AGBL3: variants seen among roughly 807,000 people sequenced by gnomAD.
AGBL3 encodes the protein cytosolic carboxypeptidase 3.
A neutral mutation model predicts 94.5 loss-of-function variants in AGBL3; 68 were observed. The observed-to-expected ratio is 0.72, with a 90% CI of 0.59 to 0.88. The LOEUF is 0.88. Among genes scored for constraint, AGBL3 ranks in the 40% least tolerant of loss-of-function variants. AGBL3 has a pLI of 0.00. For missense variants in AGBL3, 934 were observed against 1,103.8 expected (o/e 0.85, Z 2.18); for synonymous variants, 354 against 370.7 (o/e 0.95, Z 0.52).
intron 16 of AGBL3, among the ~76,000 whole-genome samples, chr7:135,124,557 A>T (rs1337077756): frequency 6.6e-6 from 1 of 152,274 alleles, no homozygotes; most frequent in Non-Finnish European, 1.5e-5. Flanking sequence ...TCTAATAGAC[A>T]TCTACAGAAA....
chr7:135,115,513 G>A lies in AGBL3; in HGVS notation c.2244G>A (p.Leu748=), dbSNP rs1287910666. Residue 748 remains leucine (L), a synonymous_variant, in exon 16 of 17, where the codon TTG becomes TTA. Transcript: ENST00000436302. ...DKGIVQTQEI[L]QYLLPIVHST... ...GAATAGTTCAAACTCAAGAAATATT[G>A]CAGTATTTGCTCCCCATCGTGCATA... The A allele has an allele frequency of 7.1e-6, 11 of 1,551,386 alleles. No homozygotes were observed. The highest frequency in any genetic ancestry group is 1.2e-5 in the South Asian group (1 of 84,056).
intron 5 of AGBL3, among the ~76,000 whole-genome samples, chr7:135,018,473 T>C (rs902351808): frequency 6.6e-6 from 1 of 152,216 alleles, no homozygotes; most frequent in African/African-American, 2.4e-5. Context: ...AGGATAGATC[T>C]GTAGGTAGAA....
intron 12 of AGBL3, among the ~76,000 whole-genome samples, chr7:135,074,999 TA>T (rs1207366180): frequency 3.3e-5 from 5 of 152,232 alleles, no homozygotes; most frequent in Non-Finnish European, 7.3e-5. Context: ...TTCTAACTTT[TA>T]AAAATTAAAC....
At chr7:135,019,316 A>G (rs1410570015) in intron 5 of AGBL3, among the ~76,000 whole-genome samples, 3 of 152,286 alleles carry the variant, frequency 2.0e-5, no homozygotes, top group South Asian at 4.1e-4. Context: ...TTTCATAACA[A>G]TATCTTTTGA....
intron 4 of AGBL3, among the ~76,000 whole-genome samples, chr7:135,012,736 A>G (rs1370565364): frequency 6.6e-6 from 1 of 152,120 alleles, no homozygotes; most frequent in Non-Finnish European, 1.5e-5. Flanking sequence ...CTTAGCATAC[A>G]TGTAGAAAAA....
At chr7:135,133,043 C>T (rs985484069) in intron 16 of AGBL3, among the ~76,000 whole-genome samples, 2 of 147,904 alleles carry the variant, frequency 1.4e-5, no homozygotes, top group Non-Finnish European at 3.0e-5. Context: ...ATAAATTTAC[C>T]AAAACACACA....
chr7:135,108,782 A>C (rs1317345273), intron 15 of AGBL3, among the ~76,000 whole-genome samples: 1 of 152,170 alleles, frequency 6.6e-6, no homozygotes, highest in Non-Finnish European at 1.5e-5. Context: ...AATATCCTGA[A>C]ATGTTTTGCT....
intron 15 of AGBL3, chr7:135,094,644 G>A (rs1383609345): frequency 2.4e-6 from 1 of 412,508 alleles, no homozygotes; most frequent in Non-Finnish European, 4.8e-6. Flanking sequence ...TCCGTAACAA[G>A]GGCCTACTCT....
intron 5 of AGBL3, among the ~76,000 whole-genome samples, chr7:135,025,355 C>T (rs1311044498): frequency 6.6e-6 from 1 of 151,588 alleles, no homozygotes; most frequent in African/African-American, 2.4e-5. Context: ...TTTCATATCC[C>T]ATCAAACTAA....
Position 134,990,720 on chromosome 7 carries a change from G to C in AGBL3, c.124+1410G>C, listed in dbSNP as rs147098844. ...ATTCCCAGCAATGTGTTATTTCTTC[G>C]CCAATAATTCTTAGGTTTTAATTCA... is the stretch of plus-strand genomic sequence containing the variant. On this transcript the variant is annotated intron_variant, in intron 3 of 16. Transcript: ENST00000436302. Among the ~76,000 whole-genome samples the C allele has an allele frequency of 4.6e-5, 7 of 152,170 alleles. 2 individuals carry two copies. Among genetic ancestry groups the C allele is most frequent in the African/African-American group, 1.7e-4 (7 of 41,520 alleles).
intron 16 of AGBL3, among the ~76,000 whole-genome samples, chr7:135,126,414 C>A (rs1478277788): frequency 2.0e-5 from 3 of 152,188 alleles, no homozygotes; most frequent in Non-Finnish European, 4.4e-5. Flanking sequence ...GAAAAACATT[C>A]CATCCTCGTG....
chr7:135,009,870 C>T (rs1434475925), intron 4 of AGBL3, among the ~76,000 whole-genome samples: 1 of 152,250 alleles, frequency 6.6e-6, no homozygotes. Flanking sequence ...CAGTGGGCAA[C>T]TACTGAGGTC....
intron 16 of AGBL3, among the ~76,000 whole-genome samples, chr7:135,131,379 C>T (rs532736443): frequency 6.6e-6 from 1 of 151,514 alleles, no homozygotes; most frequent in African/African-American, 2.4e-5. Context: ...CACCATAGCA[C>T]ACATATACCT....
chr7:135,108,009 G>T (rs2348273), intron 15 of AGBL3, among the ~76,000 whole-genome samples: 152,280 of 152,280 alleles, frequency 1, 76,140 homozygotes, highest in Non-Finnish European at 1. Flanking sequence ...TTAAAGTCTT[G>T]GTGGTCTGAA....
At chr7:135,132,910 T>G (rs907455397) in intron 16 of AGBL3, among the ~76,000 whole-genome samples, 1 of 152,210 alleles carries the variant, frequency 6.6e-6, no homozygotes, top group South Asian at 2.1e-4. Flanking sequence ...CTATTGAACA[T>G]TGTGCTAGAA....
At chr7:135,035,391 A>G (rs949537694) in intron 7 of AGBL3, among the ~76,000 whole-genome samples, 62 of 152,084 alleles carry the variant, frequency 4.1e-4, no homozygotes, top group Non-Finnish European at 4.6e-4. Flanking sequence ...CAAGTTTCTA[A>G]AAGACTTCCA....
intron 11 of AGBL3, among the ~76,000 whole-genome samples, chr7:135,046,535 G>A (rs1055261494): frequency 1.3e-5 from 2 of 152,096 alleles, no homozygotes; most frequent in East Asian, 1.9e-4. Context: ...CCATAGTTTT[G>A]CCTTTTCCAG....
intron 13 of AGBL3, among the ~76,000 whole-genome samples, chr7:135,077,415 G>A (rs1252595457): frequency 1.3e-5 from 2 of 152,030 alleles, no homozygotes; most frequent in Admixed American, 6.6e-5. Flanking sequence ...CTAAAGCAGG[G>A]TATCACTTGG....
intron 5 of AGBL3, among the ~76,000 whole-genome samples, chr7:135,019,345 T>C (rs1814160154): frequency 6.6e-6 from 1 of 152,216 alleles, no homozygotes; most frequent in Non-Finnish European, 1.5e-5. Flanking sequence ...ACTTTTAAAC[T>C]TCTATGAAGT....
Sources: allele counts gnomAD v4.1 joint callset (sites outside exome capture counted in the v4.1 genomes callset), GRCh38; gene constraint gnomAD v4.1.1; transcripts MANE v1.5; gene names NCBI Gene and HGNC (gene_info 2026-07-23, HGNC 2026-07-21).